Variants in SIPA1L2 observed in about 807,000 individuals in gnomAD.
SIPA1L2 encodes the protein signal-induced proliferation-associated 1-like protein 2.
Under a neutral mutation model 163.9 loss-of-function variants are expected in SIPA1L2, and 56 were observed. That is an observed-to-expected ratio of 0.34 (90% CI 0.28 to 0.43). The LOEUF (loss-of-function observed/expected upper bound fraction) is 0.43. Among genes scored for constraint, SIPA1L2 ranks in the 20% least tolerant of loss-of-function variants. The pLI, the probability that SIPA1L2 is intolerant of heterozygous loss-of-function variation, is 1.00. For missense variants in SIPA1L2, 1,974 were observed against 2,193.5 expected (o/e 0.90, Z 2.00); for synonymous variants, 877 against 865.7 (o/e 1.01, Z -0.23).
At chr1:232,414,581 G>A (rs1033309675) in intron 19 of SIPA1L2, among the ~76,000 whole-genome samples, 3 of 151,876 alleles carry the variant, frequency 2.0e-5, no homozygotes, top group East Asian at 2.0e-4. Context: ...CAGTGGACTC[G>A]GGCGCCTCCA....
intron 14 of SIPA1L2, 33 bp downstream of exon 14, chr1:232,441,258 G>A (rs1233848240): frequency 1.3e-6 from 2 of 1,528,476 alleles, no homozygotes; most frequent in African/African-American, 1.4e-5. Context: ...GTCCTGGCTA[G>A]GCCAGTGAAG....
intron 1 of SIPA1L2, among the ~76,000 whole-genome samples, chr1:232,612,902 T>C (rs1308565473): frequency 3.3e-5 from 5 of 152,122 alleles, no homozygotes; most frequent in Non-Finnish European, 7.3e-5. Context: ...AAATCTTATC[T>C]TGAATTGTAC....
chr1:232,630,179 G>GC (rs945291362), upstream of SIPA1L2, among the ~76,000 whole-genome samples: 3 of 151,406 alleles, frequency 2.0e-5, no homozygotes, highest in Non-Finnish European at 3.0e-5. Flanking sequence ...CAGCGGCACC[G>GC]CCCCCCGCCC....
At chr1:232,519,279 T>G (rs1395732118) in intron 2 of SIPA1L2, among the ~76,000 whole-genome samples, 1 of 152,180 alleles carries the variant, frequency 6.6e-6, no homozygotes, top group East Asian at 1.9e-4. Context: ...CAAGGCCCAT[T>G]CCCAAACATG....
intron 2 of SIPA1L2, among the ~76,000 whole-genome samples, chr1:232,573,554 G>A (rs1197819284): frequency 2.6e-5 from 4 of 152,144 alleles, no homozygotes; most frequent in South Asian, 2.1e-4. Flanking sequence ...GGTTACTTCC[G>A]ACAGGCTCCT....
chr1:232,567,444 A>G (rs1659470911), intron 2 of SIPA1L2, among the ~76,000 whole-genome samples: 1 of 152,198 alleles, frequency 6.6e-6, no homozygotes, highest in Admixed American at 6.5e-5. Context: ...TATATAATAA[A>G]TTATTGTCAT....
chr1:232,411,271 G>A (rs1660940143), intron 19 of SIPA1L2, among the ~76,000 whole-genome samples: 1 of 152,178 alleles, frequency 6.6e-6, no homozygotes, highest in Non-Finnish European at 1.5e-5. Context: ...TTATGGTGGG[G>A]AGTGCAAGAC....
intron 2 of SIPA1L2, among the ~76,000 whole-genome samples, chr1:232,563,069 A>G (rs1200554542): frequency 6.6e-6 from 1 of 152,124 alleles, no homozygotes; most frequent in Non-Finnish European, 1.5e-5. Context: ...GAGGTGGGGG[A>G]GCCTCCTTGT....
intron 8 of SIPA1L2, among the ~76,000 whole-genome samples, chr1:232,471,146 A>G (rs986581278): frequency 6.6e-6 from 1 of 152,236 alleles, no homozygotes; most frequent in Non-Finnish European, 1.5e-5. Context: ...AGTTTTTAGG[A>G]GAAAAACAGA....
At chr1:232,475,283 G>A (rs1664984882) in intron 7 of SIPA1L2, among the ~76,000 whole-genome samples, 2 of 152,136 alleles carry the variant, frequency 1.3e-5, no homozygotes, top group Admixed American at 1.3e-4. Flanking sequence ...TCCCACCCAA[G>A]GAACTTTGCA....
chr1:232,420,966 C>T (rs1370492813), intron 18 of SIPA1L2, among the ~76,000 whole-genome samples: 4 of 152,142 alleles, frequency 2.6e-5, no homozygotes, highest in South Asian at 2.1e-4. Flanking sequence ...AATGGAAACC[C>T]GAACCAATTT....
At chr1:232,556,749 C>T (rs1420617500) in intron 2 of SIPA1L2, among the ~76,000 whole-genome samples, 3 of 151,514 alleles carry the variant, frequency 2.0e-5, no homozygotes, top group African/African-American at 7.3e-5. Context: ...TGGAAGAGCT[C>T]CAAGGTAGTG....
At chr1:232,424,314 G>T (rs2102808240) in intron 18 of SIPA1L2, among the ~76,000 whole-genome samples, 1 of 48,142 alleles carries the variant, frequency 2.1e-5, no homozygotes, top group East Asian at 1.1e-3. Flanking sequence ...TTTTTTAAGT[G>T]AAGCTAACAA....
At chr1:232,513,478 A>G (rs1002414188) in intron 3 of SIPA1L2, among the ~76,000 whole-genome samples, 1 of 152,210 alleles carries the variant, frequency 6.6e-6, no homozygotes, top group African/African-American at 2.4e-5. Flanking sequence ...TTCCACTGTA[A>G]GCAGCATAAG....
At chr1:232,602,217 G>A (rs1256499026) in intron 1 of SIPA1L2, among the ~76,000 whole-genome samples, 1 of 152,212 alleles carries the variant, frequency 6.6e-6, no homozygotes, top group Non-Finnish European at 1.5e-5. Context: ...AGGGGCAGGA[G>A]CCTCTGAGTC....
chr1:232,570,708 T>G (rs915874186), intron 2 of SIPA1L2, among the ~76,000 whole-genome samples: 2 of 152,124 alleles, frequency 1.3e-5, no homozygotes, highest in African/African-American at 4.8e-5. Context: ...AGACATCATA[T>G]GGATCCAAAT....
chr1:232,471,840 C>T (rs1213816109), intron 7 of SIPA1L2, among the ~76,000 whole-genome samples: 3 of 152,192 alleles, frequency 2.0e-5, no homozygotes, highest in Non-Finnish European at 4.4e-5. Flanking sequence ...GCTCACAACA[C>T]TTTGAGAAAT....
At chr1:232,560,847 A>T (rs1379842617) in intron 2 of SIPA1L2, among the ~76,000 whole-genome samples, 1 of 152,258 alleles carries the variant, frequency 6.6e-6, no homozygotes, top group Non-Finnish European at 1.5e-5. Flanking sequence ...AATGCAAATT[A>T]TCTACTAAAG....
intron 1 of SIPA1L2, among the ~76,000 whole-genome samples, 155 bp downstream of exon 1, chr1:232,629,714 C>A (rs917368504): frequency 6.6e-6 from 1 of 152,030 alleles, no homozygotes; most frequent in African/African-American, 2.4e-5. Context: ...GCGCCGCGAC[C>A]CTCGCACCCC....
Sources: allele counts gnomAD v4.1 joint callset (sites outside exome capture counted in the v4.1 genomes callset), GRCh38; gene constraint gnomAD v4.1.1; transcripts MANE v1.5; gene names NCBI Gene and HGNC (gene_info 2026-07-23, HGNC 2026-07-21).